Variants in FMN1 observed in about 807,000 individuals in gnomAD.
FMN1 encodes the protein formin-1.
In FMN1, 110 loss-of-function variants were observed where a neutral mutation model predicts 132.4. The ratio of observed to expected loss-of-function variants is 0.83; its 90% CI spans 0.71 to 0.97. The LOEUF is 0.97. Among genes scored for constraint, FMN1 ranks in the 50% least tolerant of loss-of-function variants. FMN1 has a pLI of 0.00. For missense variants in FMN1, 1,792 were observed against 1,705.3 expected (o/e 1.05, Z -0.90); for synonymous variants, 722 against 651.7 (o/e 1.11, Z -1.64).
At chr15:32,896,297 T>C (rs888808550) in intron 15 of FMN1, among the ~76,000 whole-genome samples, 9 of 151,956 alleles carry the variant, frequency 5.9e-5, no homozygotes, top group African/African-American at 2.2e-4. Context: ...TTTTAAATCC[T>C]GGTCAAATTT....
rs78399324 is a variant in FMN1 at position 32,772,624 on chromosome 15, G to T, written c.*1686C>A. ...GTTTTGCTTGTCTCGTTCCTTCATT[G>T]TGAATTTTAAAAATCCAACCATGTT... On this transcript the variant is annotated 3_prime_UTR_variant, in exon 21 of 21. Coordinates refer to ENST00000616417, the MANE Select transcript of FMN1 (RefSeq NM_001277313.2). The T allele has an allele frequency of 0.13, 20,407 of 152,162 alleles. 1,425 individuals are homozygous for T. The highest frequency in any genetic ancestry group is 0.19 in the Middle Eastern group (57 of 294). 9.4% of individuals were successfully genotyped at this position (152,162 alleles called of 1,614,324 possible). A position where few individuals can be genotyped will look rare whatever the true frequency, so the allele number is the denominator to read the frequency against.
chr15:33,059,554 G>C (rs931939048), intron 6 of FMN1, among the ~76,000 whole-genome samples: 1 of 152,056 alleles, frequency 6.6e-6, no homozygotes, highest in Non-Finnish European at 1.5e-5. Flanking sequence ...TGGATCTTTA[G>C]ATACTGGTAC....
intron 3 of FMN1, among the ~76,000 whole-genome samples, chr15:33,174,261 A>C (rs1214046201): frequency 5.9e-5 from 9 of 152,236 alleles, no homozygotes; most frequent in Non-Finnish European, 1.3e-4. Context: ...CTATCATTGA[A>C]CATTTTCAAG....
chr15:32,956,826 G>C lies in FMN1; in HGVS notation c.3138+7281C>G, dbSNP rs1399029831. On this transcript the variant is annotated intron_variant, in intron 9 of 20. Transcript: ENST00000616417. ...AATAATATAAACTTGGAAAGCAATAGGTTATGAAAACCCTATAAATTTATG... is the reference window on the plus strand; with the variant it reads ...AATAATATAAACTTGGAAAGCAATACGTTATGAAAACCCTATAAATTTATG... Among the ~76,000 whole-genome samples the C allele has an allele frequency of 2.0e-5, 3 of 152,088 alleles. No individual in the cohort carries two copies. The South Asian group carries it at 6.2e-4, about 32-fold the overall frequency.
intron 7 of FMN1, among the ~76,000 whole-genome samples, chr15:32,980,653 C>A (rs1038800549): frequency 9.9e-5 from 15 of 152,284 alleles, no homozygotes; most frequent in African/African-American, 3.6e-4. Context: ...CAAATTTTCT[C>A]TGATTTCCTG....
intron 19 of FMN1, among the ~76,000 whole-genome samples, chr15:32,778,657 G>A (rs2056568869): frequency 6.6e-6 from 1 of 152,090 alleles, no homozygotes; most frequent in Non-Finnish European, 1.5e-5. Flanking sequence ...ACAGTAACAA[G>A]TACTAGAGAT....
intron 19 of FMN1, among the ~76,000 whole-genome samples, chr15:32,778,098 A>G (rs1474094513): frequency 1.9e-4 from 9 of 48,096 alleles, no homozygotes; most frequent in African/African-American, 6.2e-4. Flanking sequence ...CATTTATTAT[A>G]TATTATGTAT....
intron 5 of FMN1, among the ~76,000 whole-genome samples, chr15:33,079,513 C>A (rs905645912): frequency 6.6e-6 from 1 of 152,166 alleles, no homozygotes; most frequent in Non-Finnish European, 1.5e-5. Context: ...ATCCCAGCTA[C>A]TTGGGAGGCT....
In FMN1 at chr15:32,981,537, A is replaced by ATTATT. The variant is rs1566788098; in HGVS notation, c.2224-12061_2224-12060insAATAA. ...CATCTCAAATAATAATAATAATAAT[A>ATTATT]ATAATAATTATTATTATTATTATTA... On this transcript the variant is annotated intron_variant, in intron 7 of 20. Coordinates refer to ENST00000616417, the MANE Select transcript of FMN1 (RefSeq NM_001277313.2). 2.4e-5 allele frequency among the ~76,000 whole-genome samples: 3 copies of ATTATT among 123,224 alleles called. No individual in the cohort carries two copies. In the South Asian group the frequency reaches 7.4e-4, roughly 30 times the overall value. 80.8% of individuals were successfully genotyped at this position (123,224 alleles called of 152,430 possible).
Position 32,857,051 on chromosome 15 carries a change from G to T in FMN1, c.3892C>A (p.Pro1298Thr), listed in dbSNP as rs575817325. 1.2e-6 allele frequency: 2 copies of T among 1,613,820 alleles called. No homozygotes were observed. The highest frequency in any genetic ancestry group is 1.3e-5 in the African/African-American group (1 of 75,026). Residue 1298 changes from proline to threonine, a missense_variant, in exon 17 of 21, where the codon CCT becomes ACT. Physicochemically the swap from Pro to Thr is conservative, Grantham distance 38. Coordinates refer to ENST00000616417, the MANE Select transcript of FMN1 (RefSeq NM_001277313.2). ...CKESPKEYLQ[P>T]FKDKLEEFFQ... ...AACTCCTCTAGTTTGTCCTTGAAAG[G>T]CTGGAGATACTCCTTTGGGGACTCC...
intron 16 of FMN1, among the ~76,000 whole-genome samples, chr15:32,875,854 T>C (rs2059624100): frequency 6.6e-6 from 1 of 152,204 alleles, no homozygotes; most frequent in African/African-American, 2.4e-5. Flanking sequence ...TTTGACCCAA[T>C]ACAAGCTCAT....
chr15:33,039,973 C>T (rs1179047956), intron 6 of FMN1, among the ~76,000 whole-genome samples: 1 of 152,132 alleles, frequency 6.6e-6, no homozygotes, highest in Non-Finnish European at 1.5e-5. Context: ...GTGTTATTCC[C>T]TTGCCTAAAA....
intron 7 of FMN1, among the ~76,000 whole-genome samples, chr15:32,979,978 T>TC (rs1205606023): frequency 6.6e-6 from 1 of 152,194 alleles, no homozygotes; most frequent in African/African-American, 2.4e-5. Context: ...CTTGCCACTT[T>TC]GAGTTTTACC....
chr15:32,954,514 C>T (rs527854049), intron 9 of FMN1, among the ~76,000 whole-genome samples: 6 of 152,194 alleles, frequency 3.9e-5, no homozygotes, highest in South Asian at 2.1e-4. Flanking sequence ...AACCTGAGAT[C>T]GGAGAATTTA....
chr15:33,055,493 A>G (rs2037175744), intron 6 of FMN1, among the ~76,000 whole-genome samples: 2 of 152,226 alleles, frequency 1.3e-5, no homozygotes, highest in Non-Finnish European at 2.9e-5. Context: ...AAGGCTAGAC[A>G]AAGCTACAGA....
chr15:32,774,215 A>C lies in FMN1; in HGVS notation c.*95T>G. The C allele has an allele frequency of 1.1e-6, 1 of 941,584 alleles. No homozygotes were observed. The highest frequency in any genetic ancestry group is 1.7e-6 in the Non-Finnish European group (1 of 601,790). The allele number at this position is 941,584 out of a possible 1,614,324, so 58.3% of individuals were successfully genotyped here. On this transcript the variant is annotated 3_prime_UTR_variant, in exon 21 of 21. Coordinates refer to ENST00000616417, the MANE Select transcript of FMN1 (RefSeq NM_001277313.2). ...TGAGCAAAAACAAACATTTAGTGAC[A>C]CATCTTTCAAGAACGTCCTGCAACC...
chr15:32,954,995 A>C (rs1409916808), intron 9 of FMN1, among the ~76,000 whole-genome samples: 2 of 152,170 alleles, frequency 1.3e-5, no homozygotes, highest in Non-Finnish European at 2.9e-5. Context: ...AACAAACAAA[A>C]AAATAAGCTG....
intron 9 of FMN1, among the ~76,000 whole-genome samples, chr15:32,955,889 C>G (rs1448099136): frequency 6.6e-6 from 1 of 152,124 alleles, no homozygotes; most frequent in Non-Finnish European, 1.5e-5. Flanking sequence ...CCCAAAGACG[C>G]TAACTCTAAT....
chr15:32,908,977 A>T lies in FMN1; in HGVS notation c.3289-399T>A, dbSNP rs78342585. On this transcript the variant is annotated intron_variant, in intron 11 of 20. Coordinates refer to ENST00000616417, the MANE Select transcript of FMN1 (RefSeq NM_001277313.2). Reference sequence around the variant, plus strand: ...TTCCTTACTCTTAGAACAGCCCTAAATTATATGAACTCGCAGCTCTTTCAT... The same window carrying T: ...TTCCTTACTCTTAGAACAGCCCTAATTTATATGAACTCGCAGCTCTTTCAT... Among the ~76,000 whole-genome samples, 6 of 152,314 alleles carry T rather than the reference A, an allele frequency of 3.9e-5. No homozygotes were observed. The East Asian group carries it at 1.2e-3, about 29-fold the overall frequency.
Sources: allele counts gnomAD v4.1 joint callset (sites outside exome capture counted in the v4.1 genomes callset), GRCh38; gene constraint gnomAD v4.1.1; transcripts MANE v1.5; gene names NCBI Gene and HGNC (gene_info 2026-07-23, HGNC 2026-07-21).